Variants in AKAIN1 observed in about 807,000 individuals in gnomAD.
The protein encoded by AKAIN1 is A-kinase anchor protein inhibitor 1.
In AKAIN1, 3 loss-of-function variants were observed where a neutral mutation model predicts 3.7. That is an observed-to-expected ratio of 0.82 (90% CI 0.37 to 2.12). The LOEUF (loss-of-function observed/expected upper bound fraction) is 2.12, where lower values mean the gene tolerates loss of function less well. Among genes scored for constraint, AKAIN1 ranks in the 30% most tolerant of loss-of-function variants. AKAIN1 has a pLI of 0.06. For missense variants in AKAIN1, 82 were observed against 82.7 expected (o/e 0.99, Z 0.03); for synonymous variants, 31 against 30.8 (o/e 1.01, Z -0.02).
In AKAIN1 at chr18:5,193,704, T is replaced by G. The variant is rs552933584; in HGVS notation, c.16+3334A>C. Reference sequence around the variant, plus strand: ...ATGGTCAGTGGTCTTTCTTCCTTGTTCCTCATTGACTTTGCCTACAAATTA... The same window carrying G: ...ATGGTCAGTGGTCTTTCTTCCTTGTGCCTCATTGACTTTGCCTACAAATTA... On this transcript the variant is annotated intron_variant, in intron 1 of 1. Transcript: ENST00000434239. 8.5e-5 allele frequency among the ~76,000 whole-genome samples: 13 copies of G among 152,318 alleles called. No individual in the cohort carries two copies. The South Asian group carries it at 2.5e-3, about 29-fold the overall frequency.
At chr18:5,179,714 A>G (rs2143366771) in intron 1 of AKAIN1, among the ~76,000 whole-genome samples, 1 of 152,268 alleles carries the variant, frequency 6.6e-6, no homozygotes, top group Non-Finnish European at 1.5e-5. Context: ...AGATAACTTC[A>G]AGTAGAAGAT....
At chr18:5,192,421 C>CTTTCTTTCTTTCTTTCTT (rs2071325444) in intron 1 of AKAIN1, among the ~76,000 whole-genome samples, 2 of 122,072 alleles carry the variant, frequency 1.6e-5, no homozygotes, top group African/African-American at 5.8e-5. Context: ...TTCTTTCTTT[C>CTTTCTTTCTTTCTTTCTT]TTTCTTTCTT....
chr18:5,168,950 T>A (rs78679534), intron 1 of AKAIN1, among the ~76,000 whole-genome samples: 7,591 of 151,364 alleles, frequency 0.05, 493 homozygotes, highest in East Asian at 0.25. Context: ...GGTGTTTTAG[T>A]CAGGATTCAC....
intron 1 of AKAIN1, among the ~76,000 whole-genome samples, chr18:5,146,623 G>A (rs1215420493): frequency 2.6e-5 from 4 of 152,158 alleles, no homozygotes; most frequent in Non-Finnish European, 4.4e-5. Flanking sequence ...TCTAAAGCAG[G>A]CACTGGCAAA....
At chr18:5,173,228 TG>T (rs1348057486) in intron 1 of AKAIN1, among the ~76,000 whole-genome samples, 2 of 152,190 alleles carry the variant, frequency 1.3e-5, no homozygotes, top group South Asian at 4.1e-4. Context: ...GAAAGCTTTT[TG>T]TAGAATTAAC....
intron 1 of AKAIN1, among the ~76,000 whole-genome samples, chr18:5,148,335 C>T (rs2071060867): frequency 6.6e-6 from 1 of 152,124 alleles, no homozygotes; most frequent in Non-Finnish European, 1.5e-5. Flanking sequence ...ATAATATTGC[C>T]CTCATTTACC....
intron 1 of AKAIN1, among the ~76,000 whole-genome samples, chr18:5,155,966 A>AGC (rs2071105972): frequency 6.6e-6 from 1 of 152,186 alleles, no homozygotes; most frequent in East Asian, 1.9e-4. Context: ...AAACATACTT[A>AGC]GAGTAACTAG....
chr18:5,188,767 C>G (rs2071301884), intron 1 of AKAIN1, among the ~76,000 whole-genome samples: 1 of 152,024 alleles, frequency 6.6e-6, no homozygotes, highest in Admixed American at 6.6e-5. Flanking sequence ...GTGGCCATAC[C>G]AAAGAACTCC....
intron 1 of AKAIN1, among the ~76,000 whole-genome samples, chr18:5,155,649 A>G (rs1317186499): frequency 2.0e-5 from 3 of 152,222 alleles, no homozygotes; most frequent in Non-Finnish European, 4.4e-5. Flanking sequence ...AAAGCAATCC[A>G]GAGCCACCAA....
At chr18:5,178,238 T>C (rs72869094) in intron 1 of AKAIN1, among the ~76,000 whole-genome samples, 81 of 152,184 alleles carry the variant, frequency 5.3e-4, no homozygotes, top group Non-Finnish European at 9.7e-4. Flanking sequence ...GTAATTGAAT[T>C]ATTGAGATTT....
chr18:5,153,997 T>A, intron 1 of AKAIN1, among the ~76,000 whole-genome samples: 1 of 152,142 alleles, frequency 6.6e-6, no homozygotes, highest in Non-Finnish European at 1.5e-5. Context: ...TTTGGGAGGC[T>A]GGGGCGGGAG....
At chr18:5,147,887 T>C (rs2071058297) in intron 1 of AKAIN1, among the ~76,000 whole-genome samples, 1 of 152,256 alleles carries the variant, frequency 6.6e-6, no homozygotes. Context: ...AATTTTTCTA[T>C]ATGAAGAGTC....
intron 1 of AKAIN1, among the ~76,000 whole-genome samples, chr18:5,171,501 C>A (rs969634179): frequency 1.1e-4 from 16 of 151,936 alleles, no homozygotes; most frequent in Non-Finnish European, 2.9e-5. Context: ...GGAAAAAAAT[C>A]TAATAATCCA....
chr18:5,193,278 C>T (rs1449217877), intron 1 of AKAIN1, among the ~76,000 whole-genome samples: 1 of 152,080 alleles, frequency 6.6e-6, no homozygotes, highest in Non-Finnish European at 1.5e-5. Flanking sequence ...GTTATCATAC[C>T]TTGCCTAATT....
At chr18:5,170,611 C>T (rs2071191910) in intron 1 of AKAIN1, 1 of 152,092 alleles carries the variant, frequency 6.6e-6, no homozygotes, top group African/African-American at 2.4e-5. Flanking sequence ...AAAACCATAG[C>T]ATGCAGATTG....
intron 1 of AKAIN1, among the ~76,000 whole-genome samples, chr18:5,185,818 G>A (rs1239793025): frequency 3.3e-5 from 5 of 151,950 alleles, no homozygotes; most frequent in Non-Finnish European, 7.4e-5. Flanking sequence ...CCCAGCAATC[G>A]TATTAATGGG....
chr18:5,158,728 A>T (rs1038626302), intron 1 of AKAIN1, among the ~76,000 whole-genome samples: 3 of 152,140 alleles, frequency 2.0e-5, no homozygotes, highest in African/African-American at 7.2e-5. Context: ...AACCCTGCAC[A>T]CATGGGTATG....
chr18:5,144,783 A>G lies in AKAIN1; in HGVS notation c.*779T>C, dbSNP rs1442572904. Among the ~76,000 whole-genome samples, 1 of 152,206 alleles carries G rather than the reference A, an allele frequency of 6.6e-6. No homozygotes were observed. The highest frequency in any genetic ancestry group is 2.4e-5 in the African/African-American group (1 of 41,442). ...GTTGAAGAAATCTACACTTCTAGCC[A>G]TTCTCCATGAGGCTGCTAAGGAAAT... On this transcript the variant is annotated 3_prime_UTR_variant, in exon 2 of 2. Coordinates refer to ENST00000434239, the MANE Select transcript of AKAIN1 (RefSeq NM_001145194.2).
At chr18:5,189,596 T>G (rs1189595761) in intron 1 of AKAIN1, among the ~76,000 whole-genome samples, 1 of 152,206 alleles carries the variant, frequency 6.6e-6, no homozygotes, top group Admixed American at 6.5e-5. Context: ...GTCCATGTCC[T>G]TGCTACTTTA....
Sources: gnomAD v4.1 joint callset for allele counts (sites outside exome capture counted in the v4.1 genomes callset) on GRCh38, gnomAD v4.1.1 for gene constraint, MANE v1.5 for transcripts, NCBI Gene and HGNC (gene_info 2026-07-23, HGNC 2026-07-21) for gene names.